Variants in FSTL4 observed in about 807,000 individuals in gnomAD.
FSTL4 encodes the protein follistatin like 4.
In FSTL4, 28 loss-of-function variants were observed where a neutral mutation model predicts 78.2. That is an observed-to-expected ratio of 0.36 (90% CI 0.27 to 0.49). The LOEUF (loss-of-function observed/expected upper bound fraction) is 0.49, where lower values mean the gene tolerates loss of function less well. Ranked by LOEUF, FSTL4 falls within the 20% of genes least tolerant of loss-of-function variation. The pLI, the probability that FSTL4 is intolerant of heterozygous loss-of-function variation, is 0.98. For missense variants in FSTL4, 922 were observed against 1,084.9 expected (o/e 0.85, Z 2.11); for synonymous variants, 422 against 440.5 (o/e 0.96, Z 0.53).
intron 3 of FSTL4, among the ~76,000 whole-genome samples, chr5:133,494,421 T>C (rs1175272985): frequency 2.0e-5 from 3 of 151,994 alleles, no homozygotes; most frequent in Non-Finnish European, 4.4e-5. Context: ...GCTTTCCAAG[T>C]CTAGCATCAC....
the FSTL4 span, among the ~76,000 whole-genome samples, chr5:133,650,537 G>A: frequency 4.9e-3 from 745 of 152,256 alleles, 8 homozygotes; most frequent in Non-Finnish European, 7.6e-3. Flanking sequence ...AGTGGTCCTA[G>A]CATCATTTAT....
intron 3 of FSTL4, among the ~76,000 whole-genome samples, chr5:133,402,491 T>C (rs1455402314): frequency 1.3e-5 from 2 of 151,962 alleles, no homozygotes; most frequent in African/African-American, 4.8e-5. Context: ...TAATTAAATC[T>C]CCATCAAAAT....
At chr5:133,523,395 G>T (rs1759025246) in intron 3 of FSTL4, among the ~76,000 whole-genome samples, 1 of 152,210 alleles carries the variant, frequency 6.6e-6, no homozygotes, top group Admixed American at 6.5e-5. Flanking sequence ...TGGCATCCAT[G>T]CCTGGAGCTG....
At chr5:133,255,313 C>T (rs1437809289) in intron 6 of FSTL4, among the ~76,000 whole-genome samples, 3 of 152,178 alleles carry the variant, frequency 2.0e-5, no homozygotes, top group African/African-American at 4.8e-5. Flanking sequence ...AGTCTGTGCC[C>T]ACAGAGGGAC....
intron 1 of FSTL4, among the ~76,000 whole-genome samples, chr5:133,608,530 G>C (rs1259568016): frequency 6.6e-6 from 1 of 152,212 alleles, no homozygotes; most frequent in African/African-American, 2.4e-5. Flanking sequence ...CTGCCCCCAG[G>C]GCAACTGTTT....
At chr5:133,630,043 G>T in the FSTL4 span, among the ~76,000 whole-genome samples, 4 of 152,230 alleles carry the variant, frequency 2.6e-5, no homozygotes, top group Non-Finnish European at 4.4e-5. Context: ...CAATATCATA[G>T]TGAATGGGCA....
chr5:133,506,834 G>A (rs1469626917), intron 3 of FSTL4, among the ~76,000 whole-genome samples: 1 of 152,228 alleles, frequency 6.6e-6, no homozygotes, highest in Non-Finnish European at 1.5e-5. Flanking sequence ...TTTGTTGGAG[G>A]AATGACTGGC....
At chr5:133,692,973 G>T in the FSTL4 span, among the ~76,000 whole-genome samples, 1 of 152,198 alleles carries the variant, frequency 6.6e-6, no homozygotes, top group Admixed American at 6.5e-5. Flanking sequence ...AAGAATATTT[G>T]AGCCACATAT....
intron 7 of FSTL4, chr5:133,244,363 T>G (rs1038927195): frequency 2.0e-5 from 3 of 152,366 alleles, no homozygotes; most frequent in African/African-American, 7.2e-5. Context: ...GCTTAGCTTC[T>G]GAGGTGGGGG....
chr5:133,631,375 G>A, the FSTL4 span, among the ~76,000 whole-genome samples: 1 of 151,608 alleles, frequency 6.6e-6, no homozygotes, highest in Non-Finnish European at 1.5e-5. Context: ...GGACATTTAT[G>A]CGGCCAACAA....
At chr5:133,589,578 T>C (rs1388217429) in intron 2 of FSTL4, among the ~76,000 whole-genome samples, 1 of 151,780 alleles carries the variant, frequency 6.6e-6, no homozygotes, top group Non-Finnish European at 1.5e-5. Context: ...AGAAGAGAAA[T>C]TGTTGGGGAG....
chr5:133,482,406 A>G (rs31326), intron 3 of FSTL4, among the ~76,000 whole-genome samples: 39,753 of 152,206 alleles, frequency 0.26, 6,801 homozygotes, highest in African/African-American at 0.49. Context: ...CATGAAACAT[A>G]ACTGGCAAGG....
the FSTL4 span, among the ~76,000 whole-genome samples, chr5:133,670,065 G>A: frequency 6.6e-6 from 1 of 152,186 alleles, no homozygotes; most frequent in African/African-American, 2.4e-5. Context: ...CCACACTGCT[G>A]TAGGACCCAT....
the FSTL4 span, among the ~76,000 whole-genome samples, chr5:133,706,150 T>G: frequency 6.6e-6 from 1 of 152,320 alleles, no homozygotes. Context: ...TGGTCTTGGA[T>G]GCACTATTTA....
intron 3 of FSTL4, among the ~76,000 whole-genome samples, chr5:133,559,808 G>T (rs143565217): frequency 6.6e-6 from 1 of 152,298 alleles, no homozygotes; most frequent in Non-Finnish European, 1.5e-5. Context: ...TTGTTAGAAA[G>T]GGCAGAGGAG....
At chr5:133,818,969 ATG>A in the FSTL4 span, among the ~76,000 whole-genome samples, 117 of 135,698 alleles carry the variant, frequency 8.6e-4, 1 homozygote, top group African/African-American at 3.2e-3. Flanking sequence ...ACACGTACGC[ATG>A]CACACACACA....
chr5:133,776,242 C>A, the FSTL4 span, among the ~76,000 whole-genome samples: 1 of 152,166 alleles, frequency 6.6e-6, no homozygotes, highest in African/African-American at 2.4e-5. Context: ...ATGGGAGGTA[C>A]CAGCAGCCAG....
the FSTL4 span, among the ~76,000 whole-genome samples, chr5:133,814,167 A>G: frequency 6.6e-6 from 1 of 152,238 alleles, no homozygotes; most frequent in South Asian, 2.1e-4. Flanking sequence ...CAATGTGGGA[A>G]GAGTGAGAAA....
intron 4 of FSTL4, among the ~76,000 whole-genome samples, chr5:133,366,311 A>G (rs913610068): frequency 6.6e-6 from 1 of 152,162 alleles, no homozygotes; most frequent in Non-Finnish European, 1.5e-5. Context: ...GAAACTCCGC[A>G]TTGAAACATC....
Sources: allele counts gnomAD v4.1 joint callset (sites outside exome capture counted in the v4.1 genomes callset), GRCh38; gene constraint gnomAD v4.1.1; transcripts MANE v1.5; gene names NCBI Gene and HGNC (gene_info 2026-07-23, HGNC 2026-07-21).